Variants in TRDN observed in about 807,000 individuals in gnomAD.
TRDN encodes the protein triadin, also known as triadin in skeletal muscle.
TRDN carries 161 observed loss-of-function variants against 149.7 expected under a neutral mutation model. That is an observed-to-expected ratio of 1.08 (90% CI 0.95 to 1.23). The LOEUF (loss-of-function observed/expected upper bound fraction) is 1.23, where lower values mean the gene tolerates loss of function less well. Among genes scored for constraint, TRDN ranks in the 50% most tolerant of loss-of-function variants. The pLI is 0.00. For synonymous variants in TRDN, 294 were observed against 250.5 expected (o/e 1.17, Z -1.64); for missense variants, 896 against 823.5 (o/e 1.09, Z -1.08).
rs1777268441 is a variant in TRDN, at chr6:123,273,362, A to C, written c.1599T>G (p.Ala533=). The part of the protein sequence containing the change: ...EPQIKKEAKP[A]ISEKVQIHKQ... ...TGTGTATTTGCACTTTTTCAGATAT[A>C]GCTAAAATAAATAAATAACATATTA... The change falls in exon 28 of 41, where the codon GCT becomes GCG. Residue 533 remains alanine, a splice_region_variant and synonymous_variant. Transcript: ENST00000334268. 1 of 999,256 alleles carries C rather than the reference A, an allele frequency of 1.0e-6. No individual in the cohort carries two copies. Among genetic ancestry groups the C allele is most frequent in the Non-Finnish European group, 1.4e-6 (1 of 737,712 alleles). 61.9% of individuals were successfully genotyped at this position (999,256 alleles called of 1,614,324 possible).
intron 1 of TRDN, among the ~76,000 whole-genome samples, chr6:123,602,968 A>T (rs1303896580): frequency 2.0e-5 from 3 of 152,120 alleles, no homozygotes; most frequent in African/African-American, 7.2e-5. Flanking sequence ...GATTTATGAG[A>T]TTATGCAGCA....
At chr6:123,442,540 C>A in intron 10 of TRDN, among the ~76,000 whole-genome samples, 1 of 89,318 alleles carries the variant, frequency 1.1e-5, no homozygotes, top group Non-Finnish European at 2.0e-5. Context: ...AGCGAGACTC[C>A]GTCTCAAAAA....
rs77293252 is a variant in TRDN at position 123,318,251 on chromosome 6, C to T, written c.1472-1756G>A. ...TGCTAGGTCAACAGTACAGTTTAAA[C>T]TTTCAAGCAAATTAGCACAATTCTA... On this transcript the variant is annotated intron_variant, in intron 23 of 40. Coordinates refer to ENST00000334268, the MANE Select transcript of TRDN (RefSeq NM_006073.4). Among the ~76,000 whole-genome samples the T allele has an allele frequency of 5.3e-5, 8 of 152,036 alleles. No individual in the cohort carries two copies. The East Asian group carries it at 1.6e-3, about 29-fold the overall frequency.
intron 1 of TRDN, among the ~76,000 whole-genome samples, chr6:123,587,209 C>A (rs1055063905): frequency 6.6e-6 from 1 of 152,160 alleles, no homozygotes. Context: ...TGGTCTGACA[C>A]CTCTGAAACC....
At chr6:123,342,503 A>C (rs1256188400) in intron 21 of TRDN, among the ~76,000 whole-genome samples, 2 of 151,926 alleles carry the variant, frequency 1.3e-5, no homozygotes, top group African/African-American at 2.4e-5. Flanking sequence ...AAATTCCTGT[A>C]TCCACGTATA....
chr6:123,393,085 C>T lies in TRDN; in HGVS notation c.1105+539G>A, dbSNP rs763262464. Among the ~76,000 whole-genome samples the T allele has an allele frequency of 3.9e-5, 6 of 152,020 alleles. 1 individual carries two copies. The highest frequency in any genetic ancestry group is 4.1e-4 in the South Asian group (2 of 4,820). ...TCAAATTAATCCTCATGGTGTGAGACGAAACCACTTTAGTTATCCTGAAGA... is the reference window on the plus strand; with the variant it reads ...TCAAATTAATCCTCATGGTGTGAGATGAAACCACTTTAGTTATCCTGAAGA... On this transcript the variant is annotated intron_variant, in intron 13 of 40. Coordinates refer to ENST00000334268, the MANE Select transcript of TRDN (RefSeq NM_006073.4).
intron 2 of TRDN, among the ~76,000 whole-genome samples, chr6:123,558,108 C>A (rs756137811): frequency 6.6e-6 from 1 of 152,090 alleles, no homozygotes; most frequent in Non-Finnish European, 1.5e-5. Context: ...AGGTGCCTGA[C>A]GTCCAGGCAT....
chr6:123,610,068 TTTAA>T (rs773636567), intron 1 of TRDN, among the ~76,000 whole-genome samples: 41 of 152,180 alleles, frequency 2.7e-4, no homozygotes, highest in Non-Finnish European at 5.9e-5. Flanking sequence ...CAAAAATAGC[TTTAA>T]TTTTCACCTG....
chr6:123,613,319 G>A (rs142351190), intron 1 of TRDN, among the ~76,000 whole-genome samples: 71 of 152,172 alleles, frequency 4.7e-4, no homozygotes, highest in Middle Eastern at 6.8e-3. Flanking sequence ...TAATGATTTG[G>A]TATCAGTTTA....
chr6:123,514,044 G>A (rs773419993), intron 6 of TRDN, among the ~76,000 whole-genome samples: 1 of 152,100 alleles, frequency 6.6e-6, no homozygotes, highest in Non-Finnish European at 1.5e-5. Flanking sequence ...GATTTTTGAG[G>A]AATTAAAGTT....
rs571019221 is a variant in TRDN at position 123,375,514 on chromosome 6, T to C, written c.1273+91A>G. 6 of 1,114,780 alleles carry C rather than the reference T, an allele frequency of 5.4e-6. No homozygotes were observed. The South Asian group carries it at 9.5e-5, about 18-fold the overall frequency. 69.1% of individuals were successfully genotyped at this position (1,114,780 alleles called of 1,614,324 possible). A position where few individuals can be genotyped will look rare whatever the true frequency, so the allele number is the denominator to read the frequency against. On this transcript the variant is annotated intron_variant, in intron 19 of 40. Coordinates refer to ENST00000334268, the MANE Select transcript of TRDN (RefSeq NM_006073.4). ...ATACCAAAAAGCTGGTAAGCCATTC[T>C]CAAAATTAGCATTAGCATAGTCTAT...
chr6:123,227,721 T>G (rs1004629083), intron 38 of TRDN, among the ~76,000 whole-genome samples: 1 of 135,796 alleles, frequency 7.4e-6, no homozygotes, highest in African/African-American at 2.7e-5. Flanking sequence ...GCAAGGACTT[T>G]TTTGTTTGTT....
rs1170580329 is a variant in TRDN at position 123,349,447 on chromosome 6, G to GTCAAAAAGTTTAGAATTC, written c.1369+3074_1369+3091dup. The GTCAAAAAGTTTAGAATTC allele has an allele frequency of 3.7e-6, 3 of 810,412 alleles. No homozygotes were observed. The East Asian group carries it at 3.8e-4, about 102-fold the overall frequency. 50.2% of individuals were successfully genotyped at this position (810,412 alleles called of 1,614,324 possible). On this transcript the variant is annotated intron_variant, in intron 21 of 40. Transcript: ENST00000334268. ...TTAAACAACCAAAGCACGAAGTATT[G>GTCAAAAAGTTTAGAATTC]TCAAAAAGTTTAGAATTCACAGGAA... is the stretch of plus-strand genomic sequence containing the variant.
At chr6:123,575,975 A>C (rs1203467786) in intron 1 of TRDN, among the ~76,000 whole-genome samples, 2 of 152,152 alleles carry the variant, frequency 1.3e-5, no homozygotes, top group African/African-American at 2.4e-5. Flanking sequence ...ATTACATAAA[A>C]GCATTAATTA....
chr6:123,434,158 G>C (rs1389918533), intron 12 of TRDN: 1 of 152,160 alleles, frequency 6.6e-6, no homozygotes, highest in Admixed American at 6.5e-5. Flanking sequence ...ATAAAGTGTA[G>C]GTGTTCAAAA....
chr6:123,538,077 C>A (rs980485989), intron 4 of TRDN, among the ~76,000 whole-genome samples: 1 of 152,120 alleles, frequency 6.6e-6, no homozygotes, highest in African/African-American at 2.4e-5. Context: ...TCAAGGCAAT[C>A]ATCCTGATTC....
intron 32 of TRDN, among the ~76,000 whole-genome samples, chr6:123,265,561 G>C (rs1049936123): frequency 6.6e-5 from 10 of 150,818 alleles, no homozygotes; most frequent in African/African-American, 2.4e-4. Flanking sequence ...AATCTTTTTT[G>C]GTCTCTTTTT....
intron 5 of TRDN, among the ~76,000 whole-genome samples, chr6:123,516,822 T>C (rs1779432518): frequency 6.6e-6 from 1 of 152,098 alleles, no homozygotes; most frequent in Non-Finnish European, 1.5e-5. Context: ...ATAATTCTTA[T>C]TCATTATCCA....
intron 23 of TRDN, among the ~76,000 whole-genome samples, chr6:123,326,052 G>T (rs1779440136): frequency 6.6e-6 from 1 of 152,072 alleles, no homozygotes; most frequent in South Asian, 2.1e-4. Flanking sequence ...ACTAGTATTG[G>T]ACTTCAAGTT....
Sources: allele counts gnomAD v4.1 joint callset (sites outside exome capture counted in the v4.1 genomes callset), GRCh38; gene constraint gnomAD v4.1.1; transcripts MANE v1.5; gene names NCBI Gene and HGNC (gene_info 2026-07-23, HGNC 2026-07-21).